Variants in PMS2 observed in about 807,000 individuals in gnomAD.
PMS2 encodes mismatch repair endonuclease PMS2.
PMS2 carries 69 observed loss-of-function variants against 90.0 expected under a neutral mutation model. The observed-to-expected ratio is 0.77, with a 90% confidence interval of 0.63 to 0.94. PMS2 has a LOEUF of 0.94. Among genes scored for constraint, PMS2 ranks in the 40% least tolerant of loss-of-function variants. PMS2 has a pLI of 0.00. For missense variants in PMS2, 966 were observed against 1,040.2 expected (o/e 0.93, Z 0.98); for synonymous variants, 332 against 375.1 (o/e 0.89, Z 1.33).
rs531672241 is a variant in PMS2 at position 6,007,106 on chromosome 7, A to ATTATTG, written c.24-1076_24-1075insCAATAA. Among the ~76,000 whole-genome samples, 44 of 148,054 alleles carry ATTATTG rather than the reference A, an allele frequency of 3.0e-4. No homozygotes were observed. In the East Asian group the frequency reaches 8.2e-3, roughly 28 times the overall value. On this transcript the variant is annotated intron_variant, in intron 1 of 14. Coordinates refer to ENST00000265849, the MANE Select transcript of PMS2 (RefSeq NM_000535.7). Reference sequence around the variant, plus strand: ...CCCCTACATTATTATTATTATTATTATTATTATTGTTATTATTGTTATTAT... The same window carrying ATTATTG: ...CCCCTACATTATTATTATTATTATTATTATTGTTATTATTGTTATTATTGTTATTAT...
intron 8 of PMS2, among the ~76,000 whole-genome samples, chr7:5,993,862 CAAAA>C (rs61677497): frequency 6.9e-4 from 27 of 38,934 alleles, no homozygotes; most frequent in African/African-American, 2.2e-3. Flanking sequence ...GACTCTGTCT[CAAAA>C]AAAAAAAAAA....
intron 8 of PMS2, 101 bp from the exon 9 acceptor site, chr7:5,992,158 A>T: frequency 1.4e-6 from 1 of 690,762 alleles, no homozygotes; most frequent in Non-Finnish European, 2.6e-6. Flanking sequence ...TGTTCTTAGA[A>T]GGGGATACTT....
chr7:5,994,970 T>A (rs569938650), intron 8 of PMS2, among the ~76,000 whole-genome samples: 1 of 152,198 alleles, frequency 6.6e-6, no homozygotes, highest in East Asian at 1.9e-4. Flanking sequence ...AATGGTTCAA[T>A]AGGTACTTGA....
intron 5 of PMS2, among the ~76,000 whole-genome samples, chr7:6,000,650 G>C (rs1484755351): frequency 6.6e-6 from 1 of 152,072 alleles, no homozygotes; most frequent in African/African-American, 2.4e-5. Flanking sequence ...AAAAGAGTAA[G>C]TTTTCTCTAC....
At position 5,979,201 on chromosome 7, in the gene PMS2, CAAAA is replaced by C. The variant is rs60152367; in HGVS notation, c.2175-509_2175-506del. 8.1e-5 allele frequency among the ~76,000 whole-genome samples: 4 copies of C among 49,458 alleles called. No homozygotes were observed. In the East Asian group the frequency reaches 2.1e-3, roughly 26 times the overall value. The allele number at this position is 49,458 out of a possible 152,430, so 32.4% of individuals were successfully genotyped here. ...TGGGCGACACAACAAGACTCTGTCTCAAAAAAAAAAAAAAAAAAAAAACACCCAT... is the reference window on the plus strand; with the variant it reads ...TGGGCGACACAACAAGACTCTGTCTCAAAAAAAAAAAAAAAAAACACCCAT... On this transcript the variant is annotated intron_variant, in intron 12 of 14. Coordinates refer to ENST00000265849, the MANE Select transcript of PMS2 (RefSeq NM_000535.7).
Position 5,992,456 on chromosome 7 carries a change from A to C in PMS2, c.904-399T>G, listed in dbSNP as rs568917025. Among the ~76,000 whole-genome samples the C allele has an allele frequency of 3.7e-4, 56 of 151,752 alleles. No homozygotes were observed. In the South Asian group the frequency reaches 1.0e-2, roughly 27 times the overall value. ...TGACTCAGCCTCCAGAGTAGCTGGGATTACAGGCACACGCCACCATGACCA... is the reference window on the plus strand; with the variant it reads ...TGACTCAGCCTCCAGAGTAGCTGGGCTTACAGGCACACGCCACCATGACCA... On this transcript the variant is annotated intron_variant, in intron 8 of 14. Transcript: ENST00000265849.
chr7:6,008,968 G>T, intron 1 of PMS2, 29 bp downstream of exon 1: 1 of 1,612,280 alleles, frequency 6.2e-7, no homozygotes, highest in Non-Finnish European at 8.5e-7. Flanking sequence ...CGCGAGAGGG[G>T]ACACCGGAAG....
chr7:6,004,967 C>T (rs1785558407), intron 2 of PMS2, among the ~76,000 whole-genome samples: 2 of 151,986 alleles, frequency 1.3e-5, no homozygotes, highest in African/African-American at 2.4e-5. Flanking sequence ...TGCAGTGGTA[C>T]GATCTTGGCT....
intron 10 of PMS2, among the ~76,000 whole-genome samples, chr7:5,989,387 C>T (rs539171159): frequency 9.6e-4 from 146 of 152,176 alleles, no homozygotes; most frequent in African/African-American, 3.3e-3. Context: ...GAGCTGAGAT[C>T]GCATCATTGC....
At chr7:5,979,095 C>G (rs1196654275) in intron 12 of PMS2, among the ~76,000 whole-genome samples, 4 of 140,270 alleles carry the variant, frequency 2.9e-5, no homozygotes, top group African/African-American at 1.1e-4. Flanking sequence ...ACTTGGGAGG[C>G]TTAGGCATGA....
intron 3 of PMS2, 38 bp downstream of exon 3, chr7:6,003,934 C>G (rs1785405107): frequency 7.1e-7 from 1 of 1,403,614 alleles, no homozygotes; most frequent in Non-Finnish European, 1.0e-6. Flanking sequence ...ACATGTGACC[C>G]AATTATTTTA....
At chr7:5,995,795 T>C (rs536850723) in intron 7 of PMS2, among the ~76,000 whole-genome samples, 162 bp from the exon 8 acceptor site, 3 of 152,306 alleles carry the variant, frequency 2.0e-5, no homozygotes, top group South Asian at 4.1e-4. Context: ...CAAATCTTGA[T>C]GAGTCATCAA....
rs2128726779 is a variant in PMS2 at position 5,987,153 on chromosome 7, T to C, written c.1612A>G (p.Lys538Glu). ...GSQEHVDSQE[K>E]APKTDDSFSD... is the part of the protein sequence containing the mutation. ...AAAGAGTCGTCAGTTTTAGGCGCTT[T>C]CTCCTGAGAGTCCACATGTTCCTGC... Residue 538 changes from lysine (K) to glutamate (E), a missense_variant, in exon 11 of 15, where the codon AAA becomes GAA. Lys to Glu is a moderately conservative substitution (Grantham distance 56, BLOSUM62 1). Coordinates refer to ENST00000265849, the MANE Select transcript of PMS2 (RefSeq NM_000535.7). 6.2e-7 allele frequency: 1 copy of C among 1,613,668 alleles called. No individual in the cohort carries two copies. The highest frequency in any genetic ancestry group is 8.5e-7 in the Non-Finnish European group (1 of 1,179,662).
intron 2 of PMS2, chr7:6,004,320 G>C (rs1785470413): frequency 9.3e-6 from 3 of 322,424 alleles, no homozygotes; most frequent in African/African-American, 7.3e-5. Flanking sequence ...AGTGGAGAAG[G>C]AACAAAAAAA....
chr7:6,005,923 T>C lies in PMS2; in HGVS notation c.132A>G (p.Glu44=). ...TAGTGGCACCAGCATCCAGACTGTT[T>C]TCTACTAACTCCTTTACCGCAGTGC... ...SLSTAVKELV[E]NSLDAGATNI... Residue 44 remains glutamate (E), a synonymous_variant, in exon 2 of 15, where the codon GAA becomes GAG. Transcript: ENST00000265849. The C allele has an allele frequency of 6.2e-7, 1 of 1,610,884 alleles. No homozygotes were observed. The highest frequency in any genetic ancestry group is 8.5e-7 in the Non-Finnish European group (1 of 1,179,862).
chr7:6,002,934 G>C (rs1220534005), intron 4 of PMS2, among the ~76,000 whole-genome samples: 1 of 152,100 alleles, frequency 6.6e-6, no homozygotes, highest in African/African-American at 2.4e-5. Flanking sequence ...CACAAACACA[G>C]ATTTGTTTTG....
chr7:6,001,890 G>A (rs1785125009), intron 5 of PMS2: 1 of 152,180 alleles, frequency 6.6e-6, no homozygotes, highest in East Asian at 1.9e-4. Flanking sequence ...CTACTCAGAA[G>A]GCTGAGGCAG....
rs1038137252 is a variant in PMS2, at chr7:5,995,753, A to C, written c.804-120T>G. The C allele has an allele frequency of 1.4e-5, 11 of 763,594 alleles. No homozygotes were observed. The African/African-American group carries it at 1.7e-4, about 12-fold the overall frequency. The allele number at this position is 763,594 out of a possible 1,614,324, so 47.3% of individuals were successfully genotyped here. On this transcript the variant is annotated intron_variant, in intron 7 of 14. Coordinates refer to ENST00000265849, the MANE Select transcript of PMS2 (RefSeq NM_000535.7). ...AACACCAGGTGACATGCTGATAAGGATCACTATTGCAGTTCACGGGTATCT... is the reference window on the plus strand; with the variant it reads ...AACACCAGGTGACATGCTGATAAGGCTCACTATTGCAGTTCACGGGTATCT...
chr7:5,996,649 C>T (rs1376786957), intron 7 of PMS2, among the ~76,000 whole-genome samples: 2 of 147,054 alleles, frequency 1.4e-5, no homozygotes, highest in African/African-American at 5.0e-5. Context: ...AGGACCAATC[C>T]TATTTATGGA....
Sources: allele counts gnomAD v4.1 joint callset (sites outside exome capture counted in the v4.1 genomes callset), GRCh38; gene constraint gnomAD v4.1.1; transcripts MANE v1.5; gene names NCBI Gene and HGNC (gene_info 2026-07-23, HGNC 2026-07-21).